SLMAP: variants seen among roughly 807,000 people sequenced by gnomAD.
SLMAP encodes the protein sarcolemma associated protein.
SLMAP carries 44 observed loss-of-function variants against 128.8 expected under a neutral mutation model. That is an observed-to-expected ratio of 0.34 (90% CI 0.27 to 0.44). The LOEUF is 0.44. Among genes scored for constraint, SLMAP ranks in the 20% least tolerant of loss-of-function variants. SLMAP has a pLI of 1.00. For synonymous variants in SLMAP, 327 were observed against 348.8 expected (o/e 0.94, Z 0.70); for missense variants, 787 against 985.3 (o/e 0.80, Z 2.69).
chr3:57,780,670 G>A (rs546393430), intron 2 of SLMAP, among the ~76,000 whole-genome samples: 3 of 151,576 alleles, frequency 2.0e-5, no homozygotes, highest in Non-Finnish European at 4.4e-5. Flanking sequence ...TTGAGACAGG[G>A]TCTTGCTTTG....
intron 3 of SLMAP, 51 bp downstream of exon 3, chr3:57,831,581 A>AT (rs775165545): frequency 5.6e-6 from 7 of 1,243,946 alleles, no homozygotes; most frequent in Non-Finnish European, 7.5e-6. Context: ...AGGTTATTTA[A>AT]TTTTTTATTA....
chr3:57,906,315 T>TC lies in SLMAP; in HGVS notation c.1502-1569_1502-1568insC, dbSNP rs1559512880. On this transcript the variant is annotated intron_variant, in intron 17 of 24. Coordinates refer to ENST00000671191, the MANE Select transcript of SLMAP (RefSeq NM_001377540.1). ...AAATTTTTTTCTTTTTTTTTCTTTTTTTTTTTTTTTTTTTTTTAGAGACAC... is the reference window on the plus strand; with the variant it reads ...AAATTTTTTTCTTTTTTTTTCTTTTTCTTTTTTTTTTTTTTTTTAGAGACAC... Among the ~76,000 whole-genome samples the TC allele has an allele frequency of 4.8e-4, 56 of 117,770 alleles. 2 individuals carry two copies. In the South Asian group the frequency reaches 6.3e-3, roughly 13 times the overall value. The allele number at this position is 117,770 out of a possible 152,430, so 77.3% of individuals were successfully genotyped here. A position where few individuals can be genotyped will look rare whatever the true frequency, so the allele number is the denominator to read the frequency against.
At chr3:57,768,448 G>T (rs2080164059) in intron 2 of SLMAP, among the ~76,000 whole-genome samples, 1 of 152,146 alleles carries the variant, frequency 6.6e-6, no homozygotes, top group South Asian at 2.1e-4. Flanking sequence ...GCCAGGTGTG[G>T]TGGCTCACAC....
chr3:57,793,516 C>T (rs2153478594), intron 2 of SLMAP, among the ~76,000 whole-genome samples: 1 of 152,248 alleles, frequency 6.6e-6, no homozygotes, highest in Middle Eastern at 3.4e-3. Context: ...TCATCATTAC[C>T]TCAGCCTATT....
intron 15 of SLMAP, among the ~76,000 whole-genome samples, chr3:57,893,308 C>A (rs535984589): frequency 8.7e-4 from 133 of 152,084 alleles, no homozygotes; most frequent in Non-Finnish European, 1.6e-3. Flanking sequence ...GTGGTGCACA[C>A]CTGTGGTCCC....
intron 24 of SLMAP, 82 bp downstream of exon 24, chr3:57,926,016 AAC>A (rs1400821038): frequency 1.0e-6 from 1 of 956,756 alleles, no homozygotes; most frequent in East Asian, 2.6e-5. Flanking sequence ...GCATGGCAAG[AAC>A]ACACAGGTAT....
rs1427283777 is a variant in SLMAP at position 57,841,009 on chromosome 3, C to T, written c.347-290C>T. ...CAGATGGGGAAAAGTGTATTTCCCC[C>T]TCACAATTTTATTTCCATATATTCA... On this transcript the variant is annotated intron_variant, in intron 3 of 24. Coordinates refer to ENST00000671191, the MANE Select transcript of SLMAP (RefSeq NM_001377540.1). 2.0e-5 allele frequency among the ~76,000 whole-genome samples: 3 copies of T among 152,130 alleles called. No homozygotes were observed. The East Asian group carries it at 5.8e-4, about 29-fold the overall frequency.
chr3:57,917,246 C>A (rs913570128), intron 22 of SLMAP, 169 bp downstream of exon 22: 2 of 1,472,628 alleles, frequency 1.4e-6, no homozygotes, highest in Admixed American at 4.7e-5. Flanking sequence ...TATCATGGTC[C>A]ATATGTAGAG....
chr3:57,843,325 T>C (rs2094050005), intron 4 of SLMAP, among the ~76,000 whole-genome samples: 1 of 140,558 alleles, frequency 7.1e-6, no homozygotes, highest in Admixed American at 7.3e-5. Context: ...TTTTTTTTTT[T>C]TTTTCTTTGA....
intron 14 of SLMAP, among the ~76,000 whole-genome samples, chr3:57,886,911 G>T (rs539493199): frequency 2.6e-4 from 39 of 152,244 alleles, no homozygotes; most frequent in Middle Eastern, 3.4e-3. Context: ...ATGTGGGACT[G>T]CCAGGGACCG....
chr3:57,778,459 A>G (rs1576346244), intron 2 of SLMAP, among the ~76,000 whole-genome samples: 2 of 126,668 alleles, frequency 1.6e-5, no homozygotes, highest in South Asian at 5.0e-4. Flanking sequence ...ATTTTTTTCT[A>G]TTATTTTTCT....
At chr3:57,758,558 A>G (rs369152965) in intron 2 of SLMAP, among the ~76,000 whole-genome samples, 5 of 152,348 alleles carry the variant, frequency 3.3e-5, no homozygotes, top group South Asian at 2.1e-4. Flanking sequence ...GGTGCTATTC[A>G]AAAGTTAGTG....
At chr3:57,767,170 C>T (rs2079909885) in intron 2 of SLMAP, among the ~76,000 whole-genome samples, 3 of 152,174 alleles carry the variant, frequency 2.0e-5, no homozygotes, top group Admixed American at 2.0e-4. Context: ...CCACCTGCCT[C>T]AGCCTCCCAA....
chr3:57,854,553 A>G (rs1012554747), intron 6 of SLMAP, among the ~76,000 whole-genome samples: 1 of 152,200 alleles, frequency 6.6e-6, no homozygotes, highest in African/African-American at 2.4e-5. Context: ...AGCCAAGATC[A>G]TGCCACTGTA....
intron 2 of SLMAP, among the ~76,000 whole-genome samples, chr3:57,806,834 A>G (rs984987584): frequency 6.6e-6 from 1 of 152,182 alleles, no homozygotes; most frequent in Non-Finnish European, 1.5e-5. Flanking sequence ...ATATGTGTGC[A>G]TGTGTCTTTA....
chr3:57,919,296 G>A (rs542160056), intron 22 of SLMAP, among the ~76,000 whole-genome samples: 1 of 151,866 alleles, frequency 6.6e-6, no homozygotes, highest in Non-Finnish European at 1.5e-5. Flanking sequence ...CAGGAGAATC[G>A]CTTGAACCCG....
At chr3:57,807,537 A>G (rs981135248) in intron 2 of SLMAP, among the ~76,000 whole-genome samples, 6 of 152,154 alleles carry the variant, frequency 3.9e-5, no homozygotes, top group Non-Finnish European at 7.3e-5. Flanking sequence ...TTCTGCATCT[A>G]TTGAGATTAT....
chr3:57,796,356 AGT>A (rs2086734716), intron 2 of SLMAP, among the ~76,000 whole-genome samples: 1 of 152,180 alleles, frequency 6.6e-6, no homozygotes, highest in Non-Finnish European at 1.5e-5. Context: ...TGGTTGAAAG[AGT>A]GTGGAATTAG....
intron 2 of SLMAP, among the ~76,000 whole-genome samples, chr3:57,791,121 T>C (rs538321576): frequency 1.3e-4 from 20 of 152,262 alleles, no homozygotes; most frequent in Admixed American, 9.2e-4. Context: ...TTTGGGAGAC[T>C]GAGGCGGGCA....
Sources: gnomAD v4.1 joint callset for allele counts (sites outside exome capture counted in the v4.1 genomes callset) on GRCh38, gnomAD v4.1.1 for gene constraint, MANE v1.5 for transcripts, NCBI Gene and HGNC (gene_info 2026-07-23, HGNC 2026-07-21) for gene names.